The following IRF8 variants were observed in gnomAD, a reference collection of about 807,000 sequenced individuals.
IRF8 encodes the protein interferon consensus sequence binding protein 1.
A neutral mutation model predicts 48.7 loss-of-function variants in IRF8; 14 were observed. The observed-to-expected ratio is 0.29, with a 90% CI of 0.19 to 0.45. The LOEUF is 0.45. Ranked by LOEUF, IRF8 falls within the 20% of genes least tolerant of loss-of-function variation. IRF8 has a pLI of 1.00. For synonymous variants in IRF8, 278 were observed against 227.3 expected (o/e 1.22, Z -2.01); for missense variants, 493 against 580.7 (o/e 0.85, Z 1.55).
rs1597253980 is a variant in IRF8, at chr16:85,913,244, T to A, written c.553+8T>A. ...CGCAGCAGCCCAGCACAGGTGAGGGTGGGTGGCCTAGAATTGTCACCAGGC... is the reference window on the plus strand; with the variant it reads ...CGCAGCAGCCCAGCACAGGTGAGGGAGGGTGGCCTAGAATTGTCACCAGGC... On this transcript the variant is annotated splice_region_variant and intron_variant, in intron 5 of 8. Transcript: ENST00000268638. 6.2e-7 allele frequency: 1 copy of A among 1,602,942 alleles called. No individual in the cohort carries two copies. The highest frequency in any genetic ancestry group is 1.1e-5 in the South Asian group (1 of 90,862).
At chr16:85,899,309 G>A (rs1904744604) in intron 1 of IRF8, 86 bp downstream of exon 1, 1 of 152,338 alleles carries the variant, frequency 6.6e-6, no homozygotes, top group African/African-American at 2.4e-5. Context: ...CGTGGGGGTG[G>A]AACTACCTAC....
intron 6 of IRF8, among the ~76,000 whole-genome samples, chr16:85,916,451 C>G (rs1052198806): frequency 2.6e-5 from 4 of 152,208 alleles, no homozygotes; most frequent in Non-Finnish European, 5.9e-5. Context: ...CTTACTGTTG[C>G]AGAAGGCTCA....
intron 2 of IRF8, among the ~76,000 whole-genome samples, chr16:85,905,722 G>T (rs1904979737): frequency 6.6e-6 from 1 of 152,212 alleles, no homozygotes; most frequent in Non-Finnish European, 1.5e-5. Flanking sequence ...GTCAACCTCG[G>T]TCAGGTAGAG....
intron 3 of IRF8, 75 bp downstream of exon 3, chr16:85,909,248 T>G (rs1905080904): frequency 8.1e-7 from 1 of 1,236,912 alleles, no homozygotes; most frequent in Non-Finnish European, 1.2e-6. Flanking sequence ...AACTTGGGTC[T>G]GGGGTAGACA....
At chr16:85,915,091 G>A (rs1229502162) in intron 6 of IRF8, among the ~76,000 whole-genome samples, 2 of 151,856 alleles carry the variant, frequency 1.3e-5, no homozygotes, top group African/African-American at 4.8e-5. Context: ...CTAGGTGGAT[G>A]CAGCTGTTCC....
At chr16:85,920,778 G>A (rs1169544033) in intron 8 of IRF8, among the ~76,000 whole-genome samples, 1 of 152,168 alleles carries the variant, frequency 6.6e-6, no homozygotes, top group Non-Finnish European at 1.5e-5. Flanking sequence ...TTAAATCTAA[G>A]CCTCTTCTCC....
chr16:85,913,163 AAGG>A lies in IRF8; in HGVS notation c.483_485del (p.Arg161del), dbSNP rs770189759. On this transcript the variant is annotated inframe_deletion, in exon 5 of 9. Transcript: ENST00000268638. Reference sequence around the variant, plus strand: ...TGGACGATTACATGGGGATGATCAAAAGGAGCCCTTCCCCGCCGGAGGCCTGTC... The same window carrying A: ...TGGACGATTACATGGGGATGATCAAAAGCCCTTCCCCGCCGGAGGCCTGTC... 1 of 1,614,160 alleles carries A rather than the reference AAGG, an allele frequency of 6.2e-7. No individual in the cohort carries two copies. Among genetic ancestry groups the A allele is most frequent in the East Asian group, 2.2e-5 (1 of 44,892 alleles).
rs766317225 is a variant in IRF8 at position 85,921,273 on chromosome 16, C to T, written c.1272C>T (p.Ile424=). 8.7e-6 allele frequency: 14 copies of T among 1,613,944 alleles called. No homozygotes were observed. Among genetic ancestry groups the T allele is most frequent in the Non-Finnish European group, 1.2e-5 (14 of 1,180,040 alleles). The part of the protein sequence containing the change: ...QRSFFRENQQ[I]TV ...CATTTTTCAGAGAAAACCAACAGATCACCGTCTAAGTGCGTCGCTTGGGCG... is the reference window on the plus strand; with the variant it reads ...CATTTTTCAGAGAAAACCAACAGATTACCGTCTAAGTGCGTCGCTTGGGCG... Residue 424 remains isoleucine (I), a synonymous_variant, in exon 9 of 9, where the codon ATC becomes ATT. Coordinates refer to ENST00000268638, the MANE Select transcript of IRF8 (RefSeq NM_002163.4).
intron 4 of IRF8, among the ~76,000 whole-genome samples, chr16:85,912,630 G>A (rs911242571): frequency 4.6e-5 from 7 of 152,136 alleles, no homozygotes; most frequent in South Asian, 4.2e-4. Context: ...TGAGATAATC[G>A]GATTGCCACA....
At chr16:85,914,312 G>C in intron 5 of IRF8, 161 bp from the exon 6 acceptor site, 1 of 763,952 alleles carries the variant, frequency 1.3e-6, no homozygotes, top group Non-Finnish European at 2.3e-6. Context: ...CTCTGCTCTG[G>C]TGGGGAAAAG....
chr16:85,911,753 G>T, intron 4 of IRF8, 95 bp downstream of exon 4: 2 of 1,049,652 alleles, frequency 1.9e-6, no homozygotes, highest in Non-Finnish European at 2.9e-6. Context: ...TATGAAGGCA[G>T]CCAGACCCTC....
intron 1 of IRF8, among the ~76,000 whole-genome samples, chr16:85,900,174 G>C (rs1021059527): frequency 2.0e-5 from 3 of 152,166 alleles, no homozygotes; most frequent in Non-Finnish European, 2.9e-5. Flanking sequence ...AGGCCAGAGC[G>C]AGTGCCCTGG....
chr16:85,915,234 C>T (rs569557896), intron 6 of IRF8, among the ~76,000 whole-genome samples: 3 of 152,366 alleles, frequency 2.0e-5, no homozygotes, highest in Admixed American at 6.5e-5. Flanking sequence ...CTGGAAGTGA[C>T]GCTCAGGCGT....
rs1257266760 is a variant in IRF8, at chr16:85,922,556, A to C, written c.*1274A>C. On this transcript the variant is annotated 3_prime_UTR_variant, in exon 9 of 9. Coordinates refer to ENST00000268638, the MANE Select transcript of IRF8 (RefSeq NM_002163.4). ...TATTTATTTTTGTATCCATTAAAAC[A>C]GTATATTGATCTCTTTTATTCTTTA... The C allele has an allele frequency of 6.6e-6, 1 of 152,314 alleles. No homozygotes were observed. Among genetic ancestry groups the C allele is most frequent in the African/African-American group, 2.4e-5 (1 of 41,456 alleles). The allele number at this position is 152,314 out of a possible 1,614,324, so 9.4% of individuals were successfully genotyped here.
rs769456462 is a variant in IRF8, at chr16:85,913,191, C to T, written c.508C>T (p.Arg170Trp). The T allele has an allele frequency of 4.3e-6, 7 of 1,614,080 alleles. No individual in the cohort carries two copies. Among genetic ancestry groups the T allele is most frequent in the Admixed American group, 3.3e-5 (2 of 60,026 alleles). Residue 170 changes from arginine (R) to tryptophan (W), a missense_variant, in exon 5 of 9, where the codon CGG becomes TGG. Coordinates refer to ENST00000268638, the MANE Select transcript of IRF8 (RefSeq NM_002163.4). ...GAGCCCTTCCCCGCCGGAGGCCTGT[C>T]GGAGTCAGCTCCTTCCAGACTGGTG... ...KRSPSPPEAC[R>W]SQLLPDWWAQ...
At chr16:85,910,330 C>T (rs1199041195) in intron 3 of IRF8, among the ~76,000 whole-genome samples, 1 of 152,152 alleles carries the variant, frequency 6.6e-6, no homozygotes, top group Admixed American at 6.5e-5. Flanking sequence ...CTCTACTGAG[C>T]GTGAACCCTA....
In IRF8 at chr16:85,918,487, C is replaced by G. The variant is rs57770209; in HGVS notation, c.672C>G (p.Pro224=). 9 of 1,591,382 alleles carry G rather than the reference C, an allele frequency of 5.7e-6. No individual in the cohort carries two copies. The East Asian group carries it at 2.0e-4, about 36-fold the overall frequency. ...TGGGCCAGGCCACCACCACCTGCCC[C>G]GAGGGCTGCCGCCTGTCCCTGAGCC... ...KLVGQATTTC[P]EGCRLSLSQP... is the part of the protein sequence containing the mutation. The change falls in exon 7 of 9, where the codon CCC becomes CCG. Residue 224 remains proline (P), a synonymous_variant. Coordinates refer to ENST00000268638, the MANE Select transcript of IRF8 (RefSeq NM_002163.4).
chr16:85,920,993 T>A (rs1597258192), intron 8 of IRF8, 113 bp from the exon 9 acceptor site: 1 of 1,051,800 alleles, frequency 9.5e-7, no homozygotes, highest in East Asian at 2.6e-5. Context: ...GCTCATTCAC[T>A]TGGGACTCAC....
At position 85,911,563 on chromosome 16, in the gene IRF8, T is replaced by A. The variant is rs978350488; in HGVS notation, c.359-7T>A. ...ATGTGTCATGGTGTTTGTCTGGTTT[T>A]CTGTAGGCAAACTAGGCGTGGCAAC... On this transcript the variant is annotated splice_region_variant and splice_polypyrimidine_tract_variant and intron_variant, in intron 3 of 8. Coordinates refer to ENST00000268638, the MANE Select transcript of IRF8 (RefSeq NM_002163.4). 21 of 1,613,488 alleles carry A rather than the reference T, an allele frequency of 1.3e-5. No homozygotes were observed. The highest frequency in any genetic ancestry group is 1.7e-5 in the Non-Finnish European group (20 of 1,179,540).
Sources: gnomAD v4.1 joint callset for allele counts (sites outside exome capture counted in the v4.1 genomes callset) on GRCh38, gnomAD v4.1.1 for gene constraint, MANE v1.5 for transcripts, NCBI Gene and HGNC (gene_info 2026-07-23, HGNC 2026-07-21) for gene names.